The following ANKRD24 variants were observed in gnomAD, a reference collection of about 807,000 sequenced individuals.
The protein encoded by ANKRD24 is ankyrin repeat domain 24, also known as ankyrin repeat domain-containing protein 24.
Under a neutral mutation model 127.8 loss-of-function variants are expected in ANKRD24, and 109 were observed. The observed-to-expected ratio is 0.85, with a 90% CI of 0.73 to 1.00. ANKRD24 has a LOEUF of 1.00. Ranked by LOEUF, ANKRD24 falls within the 50% of genes least tolerant of loss-of-function variation. The pLI is 0.00. For synonymous variants in ANKRD24, 743 were observed against 671.1 expected, an observed-to-expected ratio of 1.11 and a Z score of -1.66; for missense variants, 1,648 against 1,570.2, an observed-to-expected ratio of 1.05 and a Z score of -0.84.
rs1488434895 is a variant in ANKRD24, at chr19:4,217,935, G to C, written c.2775G>C (p.Glu925Asp). The change falls in exon 18 of 22, where the codon GAG becomes GAC. Residue 925 changes from glutamate (E) to aspartate (D), a missense_variant. Transcript: ENST00000318934. The part of the protein sequence containing the change: ...PASEHRRLQE[E>D]ALELRGRAAS... ...CTGAGCACCGCCGGCTGCAGGAGGA[G>C]GCCCTGGAGCTGCGGGGCCGGGCAG... 7.3e-6 allele frequency: 11 copies of C among 1,500,242 alleles called. No individual in the cohort carries two copies. The highest frequency in any genetic ancestry group is 9.7e-6 in the Non-Finnish European group (11 of 1,132,282). The allele number at this position is 1,500,242 out of a possible 1,614,324, so 92.9% of individuals were successfully genotyped here.
intron 2 of ANKRD24, among the ~76,000 whole-genome samples, chr19:4,197,072 C>T (rs775724438): frequency 7.9e-5 from 12 of 152,134 alleles, no homozygotes; most frequent in Admixed American, 7.9e-4. Context: ...CAGGTAGTAC[C>T]TTGGCATCCT....
chr19:4,217,814 T>A lies in ANKRD24; in HGVS notation c.2654T>A (p.Val885Glu). ...GRARDAAEAR[V>E]AELPAACEEA... Reference sequence around the variant, plus strand: ...GCACGGGACGCCGCTGAGGCCCGAGTGGCTGAGCTGCCTGCGGCCTGCGAG... The same window carrying A: ...GCACGGGACGCCGCTGAGGCCCGAGAGGCTGAGCTGCCTGCGGCCTGCGAG... The change falls in exon 18 of 22, where the codon GTG (valine) becomes GAG (glutamate). Residue 885 changes from valine (V) to glutamate (E), a missense_variant. Physicochemically the swap from Val to Glu is moderately radical, Grantham distance 121. Transcript: ENST00000318934. 7.2e-7 allele frequency: 1 copy of A among 1,389,350 alleles called. No homozygotes were observed. The highest frequency in any genetic ancestry group is 1.5e-5 in the South Asian group (1 of 67,316). 86.1% of individuals were successfully genotyped at this position (1,389,350 alleles called of 1,614,324 possible).
At chr19:4,211,058 C>A (rs1291379135) in intron 13 of ANKRD24, among the ~76,000 whole-genome samples, 2 of 151,860 alleles carry the variant, frequency 1.3e-5, no homozygotes, top group Admixed American at 6.6e-5. Context: ...GTCTCTAACT[C>A]CTGACCTCAG....
rs147515127 is a variant in ANKRD24 at position 4,218,616 on chromosome 19, C to T, written c.3003+453C>T. Among the ~76,000 whole-genome samples, 834 of 152,042 alleles carry T rather than the reference C, an allele frequency of 5.5e-3. 5 individuals carry two copies. Among genetic ancestry groups the T allele is most frequent in the African/African-American group, 0.019 (777 of 41,486 alleles). On this transcript the variant is annotated intron_variant, in intron 18 of 21. Transcript: ENST00000318934. ...CACCTGGCCTTGAACAGACATTTGA[C>T]CCTGCAGCCATCCTGACCTCTTGGA...
chr19:4,198,355 C>G lies in ANKRD24; in HGVS notation c.37-1328C>G. On this transcript the variant is annotated intron_variant, in intron 2 of 21. Coordinates refer to ENST00000318934, the MANE Select transcript of ANKRD24 (RefSeq NM_001393985.1). The surrounding 1 kb of genome is among the most constrained non-coding windows in gnomAD (Gnocchi z 6.1). ...GGGGCGGCACCAGGGAGGGCGGGACCGGGCGGGCGGGCGGGGCGGGGAGCT... is the reference window on the plus strand; with the variant it reads ...GGGGCGGCACCAGGGAGGGCGGGACGGGGCGGGCGGGCGGGGCGGGGAGCT... 7.0e-5 allele frequency: 2 copies of G among 28,414 alleles called. No individual in the cohort carries two copies. The highest frequency in any genetic ancestry group is 1.4e-3 in the East Asian group (2 of 1,442). 1.8% of individuals were successfully genotyped at this position (28,414 alleles called of 1,614,324 possible). A position where few individuals can be genotyped will look rare whatever the true frequency, so the allele number is the denominator to read the frequency against.
rs764148400 is a variant in ANKRD24, at chr19:4,219,629, C to T, written c.3042C>T (p.His1014=). The change falls in exon 19 of 22, where the codon CAC becomes CAT. Residue 1014 remains histidine, a synonymous_variant. Coordinates refer to ENST00000318934, the MANE Select transcript of ANKRD24 (RefSeq NM_001393985.1). ...CCCTGTTCATGAAGAGTGAGCGACA[C>T]GCAGCCGAGGCACAGCTGGCCACAG... is the stretch of plus-strand genomic sequence containing the variant. ...REALFMKSER[H]AAEAQLATAE... 5 of 1,613,506 alleles carry T rather than the reference C, an allele frequency of 3.1e-6. No homozygotes were observed. Among genetic ancestry groups the T allele is most frequent in the Admixed American group, 1.7e-5 (1 of 59,996 alleles).
chr19:4,189,040 C>T (rs1968225437), intron 2 of ANKRD24, among the ~76,000 whole-genome samples: 1 of 149,302 alleles, frequency 6.7e-6, no homozygotes, highest in Admixed American at 6.7e-5. Flanking sequence ...GAGCTTCCGA[C>T]CTCAGGTGAT....
Position 4,199,990 on chromosome 19 carries a change from C to T in ANKRD24, c.239C>T (p.Pro80Leu). 1 of 1,564,938 alleles carries T rather than the reference C, an allele frequency of 6.4e-7. No homozygotes were observed. Among genetic ancestry groups the T allele is most frequent in the Non-Finnish European group, 8.7e-7 (1 of 1,154,446 alleles). ...GGGCTGGTGCCCACGAAGCTAGACCCCGAGGGCAAGTCCGCGTGAGTGCCC... is the reference window on the plus strand; with the variant it reads ...GGGCTGGTGCCCACGAAGCTAGACCTCGAGGGCAAGTCCGCGTGAGTGCCC... ...RKGLVPTKLD[P>L]EGKSAFHLAA... Residue 80 changes from proline (P) to leucine (L), a missense_variant, in exon 4 of 22, where the codon CCC (proline) becomes CTC (leucine). Pro to Leu is a moderately conservative substitution (Grantham distance 98). Coordinates refer to ENST00000318934, the MANE Select transcript of ANKRD24 (RefSeq NM_001393985.1). This position sits in a 1 kb window ranked among gnomAD's most constrained non-coding sequence, Gnocchi z 5.2.
At chr19:4,202,160 C>T in intron 6 of ANKRD24, 70 bp downstream of exon 6, 1 of 1,377,170 alleles carries the variant, frequency 7.3e-7, no homozygotes. Flanking sequence ...ATTCCTTGAA[C>T]CCCCAGATGC....
chr19:4,224,218 C>A (rs60268262), intron 21 of ANKRD24, 26 bp downstream of exon 21: 4 of 1,598,296 alleles, frequency 2.5e-6, no homozygotes, highest in Non-Finnish European at 3.4e-6. Context: ...CCTGGGTACC[C>A]GGTGGCTTTG....
Position 4,198,467 on chromosome 19 carries a change from C to A in ANKRD24, c.37-1216C>A, listed in dbSNP as rs188809457. The A allele has an allele frequency of 9.0e-3, 5,558 of 616,580 alleles. 246 individuals are homozygous for A. The African/African-American group carries it at 0.095, about 11-fold the overall frequency. 38.2% of individuals were successfully genotyped at this position (616,580 alleles called of 1,614,324 possible). ...CCGCCTCCTCTTGGAACCCCGTGCG[C>A]CCCCCGCGCCCCGCGCCCCGGACGC... is the stretch of plus-strand genomic sequence containing the variant. On this transcript the variant is annotated intron_variant, in intron 2 of 21. Transcript: ENST00000318934. This position sits in a 1 kb window ranked among gnomAD's most constrained non-coding sequence, Gnocchi z 6.1.
intron 2 of ANKRD24, among the ~76,000 whole-genome samples, chr19:4,190,024 A>G (rs1968293953): frequency 6.6e-6 from 1 of 152,204 alleles, no homozygotes; most frequent in South Asian, 2.1e-4. Flanking sequence ...AAAATGTGGC[A>G]TTGGGTGAGC....
intron 2 of ANKRD24, among the ~76,000 whole-genome samples, chr19:4,196,267 C>T (rs539034217): frequency 6.6e-5 from 10 of 152,208 alleles, no homozygotes; most frequent in African/African-American, 1.9e-4. Context: ...TATAACCAAA[C>T]GGAATTCAAG....
At chr19:4,202,502 G>T (rs1429638204) in intron 6 of ANKRD24, among the ~76,000 whole-genome samples, 1 of 151,984 alleles carries the variant, frequency 6.6e-6, no homozygotes, top group South Asian at 2.1e-4. Context: ...CTTGGGAGGC[G>T]GAGGTTGCAG....
In ANKRD24 at chr19:4,204,253, C is replaced by T. The variant is rs770736940; in HGVS notation, c.466+1327C>T. 5.3e-5 allele frequency among the ~76,000 whole-genome samples: 8 copies of T among 152,184 alleles called. No individual in the cohort carries two copies. The South Asian group carries it at 1.5e-3, about 28-fold the overall frequency. Reference sequence around the variant, plus strand: ...TGCTGGGATTACAGGCGTGAGCCACCGTGCCGGCCCTTCTCCTTTTTTATT... The same window carrying T: ...TGCTGGGATTACAGGCGTGAGCCACTGTGCCGGCCCTTCTCCTTTTTTATT... On this transcript the variant is annotated intron_variant, in intron 7 of 21. Coordinates refer to ENST00000318934, the MANE Select transcript of ANKRD24 (RefSeq NM_001393985.1).
intron 20 of ANKRD24, among the ~76,000 whole-genome samples, chr19:4,223,401 A>ATATATATATATATATAT (rs1192232980): frequency 1.9e-5 from 1 of 53,324 alleles, no homozygotes; most frequent in African/African-American, 9.5e-5. Context: ...ATATATATAT[A>ATATATATATATATATAT]TTTTTTTTTT....
In ANKRD24 at chr19:4,198,155, T is replaced by C; in HGVS notation, c.37-1528T>C. 1.8e-6 allele frequency: 1 copy of C among 544,424 alleles called. No individual in the cohort carries two copies. Among genetic ancestry groups the C allele is most frequent in the Non-Finnish European group, 3.2e-6 (1 of 308,018 alleles). The allele number at this position is 544,424 out of a possible 1,614,324, so 33.7% of individuals were successfully genotyped here. ...TCCCCTGGAGATGCAGCCGGCGGCCTGCGCTGGTGAGGGAGCCGGGCCCCC... is the reference window on the plus strand; with the variant it reads ...TCCCCTGGAGATGCAGCCGGCGGCCCGCGCTGGTGAGGGAGCCGGGCCCCC... On this transcript the variant is annotated intron_variant, in intron 2 of 21. Coordinates refer to ENST00000318934, the MANE Select transcript of ANKRD24 (RefSeq NM_001393985.1). The surrounding 1 kb of genome is among the most constrained non-coding windows in gnomAD (Gnocchi z 6.1).
intron 1 of ANKRD24, among the ~76,000 whole-genome samples, chr19:4,182,998 T>TGTGTGTGTGTGTGTGTGA (rs1491166135): frequency 1.2e-4 from 18 of 151,550 alleles, no homozygotes; most frequent in Non-Finnish European, 8.8e-5. Context: ...TGTGTGTGTG[T>TGTGTGTGTGTGTGTGTGA]GACGGAGCCT....
rs1342357921 is a variant in ANKRD24 at position 4,217,762 on chromosome 19, C to T, written c.2602C>T (p.Arg868Cys). The change falls in exon 18 of 22, where the codon CGC becomes TGC. Residue 868 changes from arginine (R) to cysteine (C), a missense_variant. Physicochemically the swap from Arg to Cys is radical, Grantham distance 180. Coordinates refer to ENST00000318934, the MANE Select transcript of ANKRD24 (RefSeq NM_001393985.1). ...GGCCAGGGCCACGGGGGAGCAGCAG[C>T]GCACGGCGGCCGCGGAACTGGGCCG... The part of the protein sequence containing the change: ...ATARATGEQQ[R>C]TAAAELGRAR... The T allele has an allele frequency of 4.6e-6, 6 of 1,302,894 alleles. No homozygotes were observed. In the Admixed American group the frequency reaches 1.3e-4, roughly 28 times the overall value. 80.7% of individuals were successfully genotyped at this position (1,302,894 alleles called of 1,614,324 possible).
Sources: allele counts gnomAD v4.1 joint callset (sites outside exome capture counted in the v4.1 genomes callset), GRCh38; gene constraint gnomAD v4.1.1; non-coding constraint Gnocchi (gnomAD v3.1); transcripts MANE v1.5; gene names NCBI Gene and HGNC (gene_info 2026-07-23, HGNC 2026-07-21).